PIBF1: variants seen among roughly 807,000 people sequenced by gnomAD.
PIBF1 encodes the protein progesterone immunomodulatory binding factor 1, also known as progesterone-induced-blocking factor 1.
A neutral mutation model predicts 112.5 loss-of-function variants in PIBF1; 90 were observed. The observed-to-expected ratio is 0.80, with a 90% CI of 0.67 to 0.95. The LOEUF (loss-of-function observed/expected upper bound fraction) is 0.95. PIBF1 is among the 40% of genes least tolerant of loss of function. PIBF1 has a pLI of 0.00. For synonymous variants in PIBF1, 301 were observed against 288.6 expected (o/e 1.04, Z -0.44); for missense variants, 915 against 852.3 (o/e 1.07, Z -0.92).
chr13:73,013,744 AAAAAAAAAAG>A (rs1243771895), intron 17 of PIBF1, among the ~76,000 whole-genome samples: 1 of 144,686 alleles, frequency 6.9e-6, no homozygotes, highest in Non-Finnish European at 1.5e-5. Context: ...AAAAAAAAAA[AAAAAAAAAAG>A]AAAAAGAAAA....
rs562902208 is a variant in PIBF1 at position 72,829,795 on chromosome 13, G to T, written c.1097+1881G>T. On this transcript the variant is annotated intron_variant, in intron 8 of 17. Transcript: ENST00000326291. ...TTGGTTCCATATGAAGTTTAAAGTA[G>T]TTTTTTCCAATTCCGTGAAGAAGGT... 5.9e-5 allele frequency among the ~76,000 whole-genome samples: 9 copies of T among 152,274 alleles called. No homozygotes were observed. In the East Asian group the frequency reaches 1.7e-3, roughly 29 times the overall value.
At position 72,827,186 on chromosome 13, in the gene PIBF1, G is replaced by A. The variant is rs1484691923; in HGVS notation, c.915+68G>A. On this transcript the variant is annotated intron_variant, in intron 7 of 17. Coordinates refer to ENST00000326291, the MANE Select transcript of PIBF1 (RefSeq NM_006346.4). ...TTAGTGAAAAAAATAGCCCAGAGTA[G>A]ATTTGAAGGAGAGACATTTTTTTTG... 1.1e-5 allele frequency: 6 copies of A among 540,308 alleles called. No individual in the cohort carries two copies. The South Asian group carries it at 1.4e-4, about 12-fold the overall frequency. 33.5% of individuals were successfully genotyped at this position (540,308 alleles called of 1,614,324 possible).
At chr13:72,995,257 C>T (rs1594338241) in intron 16 of PIBF1, among the ~76,000 whole-genome samples, 1 of 149,776 alleles carries the variant, frequency 6.7e-6, no homozygotes, top group South Asian at 2.1e-4. Flanking sequence ...GCCGAGATCA[C>T]ACCACTGCAC....
At chr13:72,874,625 A>G (rs1286385978) in intron 10 of PIBF1, among the ~76,000 whole-genome samples, 1 of 152,202 alleles carries the variant, frequency 6.6e-6, no homozygotes. Context: ...TTTGGGAGTG[A>G]TGGGAATGAT....
chr13:72,968,202 A>T (rs989378094), intron 15 of PIBF1, among the ~76,000 whole-genome samples: 5 of 152,072 alleles, frequency 3.3e-5, no homozygotes, highest in Admixed American at 2.6e-4. Context: ...GAAAAATTCT[A>T]CATCAGTGCT....
intron 10 of PIBF1, among the ~76,000 whole-genome samples, chr13:72,857,670 C>T (rs963625929): frequency 2.0e-5 from 3 of 152,276 alleles, no homozygotes; most frequent in African/African-American, 7.2e-5. Context: ...AAAACCCTGT[C>T]TCTACTAAAA....
At chr13:72,937,829 G>A (rs902496559) in intron 14 of PIBF1, among the ~76,000 whole-genome samples, 1 of 151,336 alleles carries the variant, frequency 6.6e-6, no homozygotes, top group Non-Finnish European at 1.5e-5. Flanking sequence ...AAAAATAAAT[G>A]AAATGAAATA....
intron 6 of PIBF1, among the ~76,000 whole-genome samples, chr13:72,824,294 G>A (rs1004849747): frequency 2.2e-4 from 33 of 152,000 alleles, no homozygotes; most frequent in African/African-American, 7.7e-4. Context: ...TGAGATGACA[G>A]GTGTGAGCCT....
At chr13:72,992,936 A>G (rs1330504013) in intron 16 of PIBF1, among the ~76,000 whole-genome samples, 1 of 152,230 alleles carries the variant, frequency 6.6e-6, no homozygotes, top group Non-Finnish European at 1.5e-5. Context: ...ATAGCAATAA[A>G]CAGATAAACT....
intron 14 of PIBF1, among the ~76,000 whole-genome samples, chr13:72,944,169 G>A (rs1339783808): frequency 5.9e-5 from 9 of 152,194 alleles, no homozygotes; most frequent in Middle Eastern, 3.4e-3. Context: ...AGAATAAGCC[G>A]GGTGTGGTGG....
At chr13:72,844,789 A>G (rs77309224) in intron 9 of PIBF1, among the ~76,000 whole-genome samples, 2,978 of 119,288 alleles carry the variant, frequency 0.025, 60 homozygotes, top group African/African-American at 0.099. Context: ...ACACACACAC[A>G]CACACACACA....
At chr13:72,926,271 A>G (rs1187937099) in intron 13 of PIBF1, among the ~76,000 whole-genome samples, 4 of 152,338 alleles carry the variant, frequency 2.6e-5, no homozygotes, top group Middle Eastern at 3.4e-3. Flanking sequence ...CACACTCAGC[A>G]ATATATGCAT....
intron 9 of PIBF1, among the ~76,000 whole-genome samples, chr13:72,837,734 GT>G (rs1380349023): frequency 1.3e-5 from 2 of 151,992 alleles, no homozygotes; most frequent in East Asian, 3.8e-4. Flanking sequence ...GCACAATATA[GT>G]TTAGTTTTTC....
intron 9 of PIBF1, among the ~76,000 whole-genome samples, chr13:72,840,162 CTTTGG>C (rs1380351958): frequency 6.6e-6 from 1 of 152,120 alleles, no homozygotes; most frequent in Non-Finnish European, 1.5e-5. Context: ...TTTATGTAAT[CTTTGG>C]GGATCATAGT....
intron 13 of PIBF1, among the ~76,000 whole-genome samples, chr13:72,922,963 G>T (rs149625520): frequency 6.6e-6 from 1 of 152,252 alleles, no homozygotes; most frequent in Admixed American, 6.5e-5. Flanking sequence ...GATAGTATAA[G>T]GACCAGCCTT....
intron 17 of PIBF1, among the ~76,000 whole-genome samples, chr13:73,013,892 G>C (rs1223892963): frequency 6.6e-6 from 1 of 151,886 alleles, no homozygotes; most frequent in Non-Finnish European, 1.5e-5. Context: ...CGTTATGAAA[G>C]AACAAAACCA....
chr13:72,992,392 A>G (rs765457417), intron 16 of PIBF1, among the ~76,000 whole-genome samples: 7 of 152,230 alleles, frequency 4.6e-5, no homozygotes, highest in African/African-American at 7.2e-5. Flanking sequence ...GCCAGAATGA[A>G]ACGAAGCTCT....
chr13:72,826,628 A>AT (rs545616558), intron 6 of PIBF1, among the ~76,000 whole-genome samples: 21,096 of 148,620 alleles, frequency 0.14, 1,600 homozygotes, highest in Non-Finnish European at 0.17. Context: ...GATAAGTTGT[A>AT]TTTTTTTTTT....
intron 10 of PIBF1, among the ~76,000 whole-genome samples, chr13:72,891,097 T>C (rs1371402283): frequency 6.6e-6 from 1 of 152,156 alleles, no homozygotes; most frequent in Non-Finnish European, 1.5e-5. Flanking sequence ...TGTCTAAATA[T>C]TGTTTACTGT....
Sources: allele counts gnomAD v4.1 joint callset (sites outside exome capture counted in the v4.1 genomes callset), GRCh38; gene constraint gnomAD v4.1.1; transcripts MANE v1.5; gene names NCBI Gene and HGNC (gene_info 2026-07-23, HGNC 2026-07-21).